ZNF486: variants seen among roughly 807,000 people sequenced by gnomAD.
ZNF486 encodes the protein zinc finger protein 486.
A neutral mutation model predicts 12.8 loss-of-function variants in ZNF486; 12 were observed. The ratio of observed to expected loss-of-function variants is 0.94; its 90% confidence interval spans 0.60 to 1.52. The LOEUF is 1.52. ZNF486 is among the 40% of genes most tolerant of loss of function. The pLI is 0.00. For synonymous variants in ZNF486, 231 were observed against 184.9 expected (o/e 1.25, Z -2.02); for missense variants, 738 against 545.0 (o/e 1.35, Z -3.53).
rs782656849 is a variant in ZNF486, at chr19:20,198,920, C to A, written c.*818C>A. On this transcript the variant is annotated 3_prime_UTR_variant, in exon 4 of 4. Transcript: ENST00000335117. ...ACAGTGCTTTTCCCAACACCTCCAA[C>A]TTTTCTATGCATAAAAAAAATTATA... is the stretch of plus-strand genomic sequence containing the variant. 3 of 151,000 alleles carry A rather than the reference C, an allele frequency of 2.0e-5. No individual in the cohort carries two copies. The highest frequency in any genetic ancestry group is 1.9e-4 in the East Asian group (1 of 5,198). 9.4% of individuals were successfully genotyped at this position (151,000 alleles called of 1,614,324 possible).
intron 1 of ZNF486, among the ~76,000 whole-genome samples, chr19:20,171,062 T>C (rs905294327): frequency 6.6e-6 from 1 of 152,222 alleles, no homozygotes; most frequent in African/African-American, 2.4e-5. Flanking sequence ...GGGTCTATGC[T>C]GACTTTAGGT....
intron 3 of ZNF486, among the ~76,000 whole-genome samples, chr19:20,194,937 A>C (rs2089943318): frequency 6.6e-6 from 1 of 151,890 alleles, no homozygotes; most frequent in Non-Finnish European, 1.5e-5. Context: ...TAAATTTTTC[A>C]GTTTTTTATA....
At position 20,198,609 on chromosome 19, in the gene ZNF486, G is replaced by T. The variant is rs1194816195; in HGVS notation, c.*507G>T. On this transcript the variant is annotated 3_prime_UTR_variant, in exon 4 of 4. Coordinates refer to ENST00000335117, the MANE Select transcript of ZNF486 (RefSeq NM_052852.4). ...ATGATCTTGGCTTACTGTGACCTCT[G>T]CCTCCTGGGTTCAAGCCATTCTCCT... is the stretch of plus-strand genomic sequence containing the variant. The T allele has an allele frequency of 1.3e-5, 2 of 156,708 alleles. No individual in the cohort carries two copies. Among genetic ancestry groups the T allele is most frequent in the Non-Finnish European group, 2.8e-5 (2 of 70,842 alleles). The allele number at this position is 156,708 out of a possible 1,614,324, so 9.7% of individuals were successfully genotyped here.
In ZNF486 at chr19:20,178,464, G is replaced by A. The variant is rs144419606; in HGVS notation, c.31-5892G>A. Among the ~76,000 whole-genome samples, 389 of 151,870 alleles carry A rather than the reference G, an allele frequency of 2.6e-3. 2 individuals are homozygous for A. Among genetic ancestry groups the A allele is most frequent in the African/African-American group, 8.9e-3 (370 of 41,392 alleles). On this transcript the variant is annotated intron_variant, in intron 1 of 3. Transcript: ENST00000335117. ...TTCACTGTGTTAGTTAGATGGTCTC[G>A]ATCTCCTGACCTCATGATCTGCCTG...
intron 3 of ZNF486, among the ~76,000 whole-genome samples, chr19:20,190,900 T>C (rs1291051872): frequency 6.6e-6 from 1 of 152,164 alleles, no homozygotes; most frequent in Non-Finnish European, 1.5e-5. Flanking sequence ...GTGGGACATG[T>C]TTGTGTCATG....
chr19:20,194,993 T>C (rs541766342), intron 3 of ZNF486, among the ~76,000 whole-genome samples: 89 of 152,182 alleles, frequency 5.8e-4, no homozygotes, highest in Non-Finnish European at 1.0e-3. Context: ...TTAGTATTTC[T>C]TTTTATAGTT....
chr19:20,171,999 C>G (rs1330336765), intron 1 of ZNF486, among the ~76,000 whole-genome samples: 1 of 141,294 alleles, frequency 7.1e-6, no homozygotes, highest in Non-Finnish European at 1.5e-5. Flanking sequence ...TTTTTTTTTT[C>G]CTTTCATTTT....
intron 3 of ZNF486, among the ~76,000 whole-genome samples, chr19:20,190,836 G>A (rs8112488): frequency 0.074 from 11,218 of 152,208 alleles, 602 homozygotes; most frequent in African/African-American, 0.16. Flanking sequence ...CCATGTTCAT[G>A]TTCTCCAGAC....
Position 20,198,314 on chromosome 19 carries a change from G to A in ZNF486, c.*212G>A. ...GATGGGGTTTCTCCATGTTGGTCAG[G>A]CTGGTCTCAATCTCCTAACCTCAGG... is the stretch of plus-strand genomic sequence containing the variant. On this transcript the variant is annotated 3_prime_UTR_variant, in exon 4 of 4. Transcript: ENST00000335117. 2 of 515,632 alleles carry A rather than the reference G, an allele frequency of 3.9e-6. No homozygotes were observed. The highest frequency in any genetic ancestry group is 6.8e-6 in the Non-Finnish European group (2 of 292,322). 31.9% of individuals were successfully genotyped at this position (515,632 alleles called of 1,614,324 possible).
intron 3 of ZNF486, among the ~76,000 whole-genome samples, chr19:20,192,182 T>A (rs2089909412): frequency 6.6e-6 from 1 of 151,908 alleles, no homozygotes; most frequent in Admixed American, 6.6e-5. Flanking sequence ...ATATACACAT[T>A]TTTTTCCTTC....
chr19:20,193,250 C>A (rs1251532289), intron 3 of ZNF486, among the ~76,000 whole-genome samples: 1 of 151,086 alleles, frequency 6.6e-6, no homozygotes, highest in Admixed American at 6.6e-5. Context: ...TGCAGATTTA[C>A]ATATTTCTTA....
chr19:20,184,837 C>T (rs775126223), intron 2 of ZNF486, among the ~76,000 whole-genome samples: 5 of 152,052 alleles, frequency 3.3e-5, no homozygotes, highest in Non-Finnish European at 5.9e-5. Flanking sequence ...CAGGGCCAGG[C>T]GCAGTGGCTC....
At chr19:20,193,398 A>ATG (rs782638564) in intron 3 of ZNF486, among the ~76,000 whole-genome samples, 171 of 151,488 alleles carry the variant, frequency 1.1e-3, no homozygotes, top group Non-Finnish European at 1.9e-3. Flanking sequence ...ATGGTGGCTC[A>ATG]TGCCTGTGTT....
At chr19:20,173,827 G>T (rs1358534992) in intron 1 of ZNF486, among the ~76,000 whole-genome samples, 4 of 149,296 alleles carry the variant, frequency 2.7e-5, no homozygotes, top group Non-Finnish European at 5.9e-5. Context: ...GCGAGACTCC[G>T]TCTCAAAAAA....
intron 2 of ZNF486, 45 bp from the exon 3 acceptor site, chr19:20,185,942 G>A (rs1555716341): frequency 1.2e-5 from 15 of 1,278,838 alleles, no homozygotes; most frequent in Non-Finnish European, 1.5e-5. Flanking sequence ...GCTTGTAATT[G>A]AGAAATATAA....
intron 3 of ZNF486, among the ~76,000 whole-genome samples, chr19:20,186,470 G>A (rs1166810518): frequency 2.6e-5 from 4 of 152,098 alleles, no homozygotes; most frequent in Non-Finnish European, 4.4e-5. Context: ...GATCTGAAAT[G>A]TGTGACAGTA....
chr19:20,176,127 A>C (rs1258819738), intron 1 of ZNF486: 1 of 171,066 alleles, frequency 5.8e-6, no homozygotes, highest in Admixed American at 6.6e-5. Context: ...CCAGGCAGAG[A>C]CGCTCCTCAC....
intron 3 of ZNF486, among the ~76,000 whole-genome samples, chr19:20,190,534 A>G (rs1263325408): frequency 5.9e-5 from 9 of 152,168 alleles, no homozygotes; most frequent in Non-Finnish European, 1.3e-4. Context: ...ACAGACATGT[A>G]CTACCATGTC....
Position 20,184,404 on chromosome 19 carries a change from TG to T in ZNF486, c.81del (p.Trp27CysfsTer15). On this transcript the variant is annotated frameshift_variant, in exon 2 of 4. Transcript: ENST00000335117. LOFTEE classifies it high-confidence loss of function. ...GGCTGTAGAATTCTCTCTGGAGGAG[TG>T]GCATTGCCTGGACACTGCACAGCAG... ...DVAVEFSLEE[W>X]HCLDTAQQNL... The T allele has an allele frequency of 6.2e-7, 1 of 1,613,534 alleles. No homozygotes were observed. The highest frequency in any genetic ancestry group is 8.5e-7 in the Non-Finnish European group (1 of 1,179,750).
Sources: allele counts gnomAD v4.1 joint callset (sites outside exome capture counted in the v4.1 genomes callset), GRCh38; gene constraint gnomAD v4.1.1; transcripts MANE v1.5; gene names NCBI Gene and HGNC (gene_info 2026-07-23, HGNC 2026-07-21).